Variants in STXBP5L observed in about 807,000 individuals in gnomAD.
The protein encoded by STXBP5L is syntaxin-binding protein 5-like.
STXBP5L carries 65 observed loss-of-function variants against 144.5 expected under a neutral mutation model. That is an observed-to-expected ratio of 0.45 (90% CI 0.37 to 0.55). The LOEUF (loss-of-function observed/expected upper bound fraction) is 0.55, where lower values mean the gene tolerates loss of function less well. Ranked by LOEUF, STXBP5L falls within the 20% of genes least tolerant of loss-of-function variation. The pLI is 0.00. For synonymous variants in STXBP5L, 505 were observed against 469.6 expected (o/e 1.08, Z -0.97); for missense variants, 1,298 against 1,405.5 (o/e 0.92, Z 1.22).
intron 3 of STXBP5L, among the ~76,000 whole-genome samples, chr3:120,996,316 G>C (rs1384118106): frequency 6.6e-6 from 1 of 151,738 alleles, no homozygotes; most frequent in Non-Finnish European, 1.5e-5. Context: ...AATTTTTAGT[G>C]ATAGTTATTT....
chr3:121,245,646 G>A (rs1404251819), intron 14 of STXBP5L, among the ~76,000 whole-genome samples: 1 of 151,910 alleles, frequency 6.6e-6, no homozygotes, highest in African/African-American at 2.4e-5. Context: ...AAAATGAGAT[G>A]AATACATTTA....
chr3:120,973,216 A>G (rs1236129991), intron 3 of STXBP5L, among the ~76,000 whole-genome samples: 1 of 152,032 alleles, frequency 6.6e-6, no homozygotes, highest in Non-Finnish European at 1.5e-5. Context: ...TTATTTTCGT[A>G]GGAGATTCTT....
chr3:121,392,693 T>G (rs2046620123), intron 22 of STXBP5L, among the ~76,000 whole-genome samples: 1 of 150,744 alleles, frequency 6.6e-6, no homozygotes, highest in African/African-American at 2.4e-5. Context: ...CTCCTTGTCA[T>G]TCACTTAATA....
intron 3 of STXBP5L, among the ~76,000 whole-genome samples, chr3:121,013,801 T>G (rs1024234658): frequency 6.6e-6 from 1 of 152,084 alleles, no homozygotes; most frequent in Non-Finnish European, 1.5e-5. Flanking sequence ...TTAATCCATT[T>G]TAAGTTAACC....
chr3:121,297,200 ATATGTGTG>A (rs1169460566), intron 19 of STXBP5L, among the ~76,000 whole-genome samples: 143 of 68,824 alleles, frequency 2.1e-3, no homozygotes, highest in Middle Eastern at 0.011. Context: ...ATTCTACATT[ATATGTGTG>A]TGTGTGTGTG....
At chr3:121,329,789 G>A (rs1391215241) in intron 20 of STXBP5L, among the ~76,000 whole-genome samples, 2 of 152,116 alleles carry the variant, frequency 1.3e-5, no homozygotes, top group Non-Finnish European at 1.5e-5. Flanking sequence ...GAACCCAGGA[G>A]GAGGAGGATG....
intron 3 of STXBP5L, among the ~76,000 whole-genome samples, chr3:121,015,712 T>G (rs1945096930): frequency 6.6e-6 from 1 of 152,112 alleles, no homozygotes; most frequent in Non-Finnish European, 1.5e-5. Context: ...ACTCAGAGCA[T>G]TCTCCCTAAC....
intron 5 of STXBP5L, among the ~76,000 whole-genome samples, chr3:121,107,139 G>A (rs9877406): frequency 0.48 from 72,015 of 151,520 alleles, 17,697 homozygotes; most frequent in African/African-American, 0.56. Flanking sequence ...GATTCTGGAT[G>A]TTAGACCTTT....
At chr3:120,981,319 T>G (rs1029677998) in intron 3 of STXBP5L, among the ~76,000 whole-genome samples, 19 of 152,188 alleles carry the variant, frequency 1.2e-4, no homozygotes, top group African/African-American at 4.3e-4. Flanking sequence ...CATCTTCTTC[T>G]GAAACAATGA....
chr3:121,189,231 T>A (rs1274193141), intron 9 of STXBP5L, among the ~76,000 whole-genome samples: 1 of 152,340 alleles, frequency 6.6e-6, no homozygotes, highest in African/African-American at 2.4e-5. Flanking sequence ...TTTAATTAGA[T>A]CCCATTTGTC....
At chr3:121,352,734 G>C (rs1024093206) in intron 20 of STXBP5L, among the ~76,000 whole-genome samples, 1 of 152,040 alleles carries the variant, frequency 6.6e-6, no homozygotes, top group East Asian at 1.9e-4. Context: ...TAGGAGTGGT[G>C]AGAGAGGGTA....
chr3:121,244,380 G>A (rs1364156256), intron 14 of STXBP5L, among the ~76,000 whole-genome samples: 4 of 151,600 alleles, frequency 2.6e-5, no homozygotes, highest in Non-Finnish European at 5.9e-5. Flanking sequence ...AAAAAGAAGA[G>A]GGCCTAAGAG....
At chr3:121,125,145 C>G (rs1029042382) in intron 7 of STXBP5L, among the ~76,000 whole-genome samples, 7 of 152,096 alleles carry the variant, frequency 4.6e-5, no homozygotes, top group Non-Finnish European at 8.8e-5. Flanking sequence ...CAAGAAGGAA[C>G]AAACTGCTAA....
At chr3:121,201,003 T>C (rs936140705) in intron 9 of STXBP5L, among the ~76,000 whole-genome samples, 8 of 152,234 alleles carry the variant, frequency 5.3e-5, no homozygotes, top group African/African-American at 1.9e-4. Context: ...TTAGGTCTTC[T>C]TGGTCCAGGG....
intron 9 of STXBP5L, among the ~76,000 whole-genome samples, chr3:121,165,800 C>T (rs1329424643): frequency 6.6e-6 from 1 of 152,130 alleles, no homozygotes; most frequent in Non-Finnish European, 1.5e-5. Flanking sequence ...GGCTCCACCC[C>T]AGTGTGCATT....
intron 19 of STXBP5L, among the ~76,000 whole-genome samples, chr3:121,316,633 C>T (rs551660843): frequency 1.5e-4 from 23 of 152,120 alleles, no homozygotes; most frequent in African/African-American, 4.3e-4. Context: ...AAGTATTTAG[C>T]GGAGGATTAG....
intron 20 of STXBP5L, among the ~76,000 whole-genome samples, chr3:121,326,383 C>T (rs1265734312): frequency 6.6e-6 from 1 of 151,884 alleles, no homozygotes; most frequent in Non-Finnish European, 1.5e-5. Context: ...CTATACATAC[C>T]AGGTGTTTTT....
chr3:121,300,116 T>G (rs2051829428), intron 19 of STXBP5L, among the ~76,000 whole-genome samples: 1 of 150,998 alleles, frequency 6.6e-6, no homozygotes, highest in Non-Finnish European at 1.5e-5. Context: ...AAAATATGAA[T>G]AATGAGTGAT....
At chr3:120,963,755 A>T (rs1296612419) in intron 3 of STXBP5L, among the ~76,000 whole-genome samples, 3 of 152,172 alleles carry the variant, frequency 2.0e-5, no homozygotes, top group Non-Finnish European at 4.4e-5. Context: ...TGTCCCTGCC[A>T]GGCTTTTGTA....
Sources: allele counts gnomAD v4.1 joint callset (sites outside exome capture counted in the v4.1 genomes callset), GRCh38; gene constraint gnomAD v4.1.1; transcripts MANE v1.5; gene names NCBI Gene and HGNC (gene_info 2026-07-23, HGNC 2026-07-21).